NTN4: variants seen among roughly 807,000 people sequenced by gnomAD.
The protein encoded by NTN4 is netrin 4.
NTN4 carries 32 observed loss-of-function variants against 73.6 expected under a neutral mutation model. That is an observed-to-expected ratio of 0.44 (90% CI 0.33 to 0.58). The LOEUF (loss-of-function observed/expected upper bound fraction) is 0.58. Among genes scored for constraint, NTN4 ranks in the 20% least tolerant of loss-of-function variants. The pLI, the probability that NTN4 is intolerant of heterozygous loss-of-function variation, is 0.04. For missense variants in NTN4, 654 were observed against 798.3 expected (o/e 0.82, Z 2.18); for synonymous variants, 258 against 287.5 (o/e 0.90, Z 1.04).
chr12:95,785,974 A>C (rs2079164672), intron 2 of NTN4, among the ~76,000 whole-genome samples: 1 of 152,090 alleles, frequency 6.6e-6, no homozygotes, highest in Admixed American at 6.5e-5. Context: ...GCCTCCACCC[A>C]CTAGATGCCA....
rs368069484 is a variant in NTN4, at chr12:95,684,040, C to T, written c.1181-329G>A. Among the ~76,000 whole-genome samples, 11 of 152,176 alleles carry T rather than the reference C, an allele frequency of 7.2e-5. No homozygotes were observed. In the East Asian group the frequency reaches 7.7e-4, roughly 11 times the overall value. ...AAGGATTCAGTGAGAAAGGAAAAGA[C>T]GTCATGAGAGTATAGTGTTCTGGAA... On this transcript the variant is annotated intron_variant, in intron 5 of 9. Transcript: ENST00000343702.
chr12:95,676,466 A>G (rs1036954157), intron 7 of NTN4, among the ~76,000 whole-genome samples: 3 of 152,154 alleles, frequency 2.0e-5, no homozygotes, highest in African/African-American at 7.2e-5. Flanking sequence ...AATATCCTAG[A>G]CAACTCAATG....
intron 2 of NTN4, among the ~76,000 whole-genome samples, chr12:95,751,666 C>G (rs574668463): frequency 2.0e-5 from 3 of 152,254 alleles, no homozygotes; most frequent in East Asian, 3.9e-4. Flanking sequence ...ACTGCCCGAT[C>G]ACCTCGGAAG....
chr12:95,677,153 C>T (rs1027042675), intron 7 of NTN4, among the ~76,000 whole-genome samples: 12 of 151,708 alleles, frequency 7.9e-5, no homozygotes, highest in African/African-American at 2.2e-4. Flanking sequence ...TGCTTGAACC[C>T]GGGAGGCAGA....
chr12:95,711,439 A>T (rs1349047862), intron 4 of NTN4, among the ~76,000 whole-genome samples: 1 of 152,212 alleles, frequency 6.6e-6, no homozygotes, highest in Admixed American at 6.5e-5. Context: ...GTCCTTGCTA[A>T]GAAAAGCTGA....
chr12:95,662,899 C>T, intron 9 of NTN4, among the ~76,000 whole-genome samples: 1 of 152,148 alleles, frequency 6.6e-6, no homozygotes. Context: ...GGGAGGACTG[C>T]TTGAGGCCAG....
intron 7 of NTN4, among the ~76,000 whole-genome samples, chr12:95,675,756 G>C (rs1326981141): frequency 6.6e-6 from 1 of 152,184 alleles, no homozygotes; most frequent in Non-Finnish European, 1.5e-5. Flanking sequence ...TCAGAATCAG[G>C]CAGCAGTGGT....
At chr12:95,764,274 G>A (rs1349671142) in intron 2 of NTN4, among the ~76,000 whole-genome samples, 4 of 152,140 alleles carry the variant, frequency 2.6e-5, no homozygotes, top group African/African-American at 4.8e-5. Flanking sequence ...ACAGCAATTG[G>A]AGTCAGCTCT....
At chr12:95,784,885 T>C (rs2079156734) in intron 2 of NTN4, among the ~76,000 whole-genome samples, 1 of 152,204 alleles carries the variant, frequency 6.6e-6, no homozygotes, top group Non-Finnish European at 1.5e-5. Flanking sequence ...TGCTTGGAAT[T>C]TGATATAAAC....
chr12:95,785,934 T>C (rs2079164264), intron 2 of NTN4, among the ~76,000 whole-genome samples: 1 of 152,156 alleles, frequency 6.6e-6, no homozygotes, highest in Admixed American at 6.5e-5. Context: ...CGCTATTTTG[T>C]GCATCGTCTG....
chr12:95,732,628 A>G lies in NTN4; in HGVS notation c.864+5238T>C, dbSNP rs112340967. Among the ~76,000 whole-genome samples, 277 of 152,056 alleles carry G rather than the reference A, an allele frequency of 1.8e-3. 2 individuals are homozygous for G. Among genetic ancestry groups the G allele is most frequent in the African/African-American group, 6.4e-3 (267 of 41,492 alleles). On this transcript the variant is annotated intron_variant, in intron 3 of 9. Coordinates refer to ENST00000343702, the MANE Select transcript of NTN4 (RefSeq NM_021229.4). ...GTGTTGGCCGGGCAGATCACTCCTG[A>G]CTTCAGGTGATCCGCCTGCCTTGGC...
At chr12:95,702,308 G>GAAAAAAAAAAAAAAAAAAAAAAAAA (rs558357623) in intron 5 of NTN4, among the ~76,000 whole-genome samples, 1 of 118,492 alleles carries the variant, frequency 8.4e-6, no homozygotes, top group Non-Finnish European at 1.8e-5. Flanking sequence ...CAAAAAAAAA[G>GAAAAAAAAAAAAAAAAAAAAAAAAA]AAAAAAAAAA....
At chr12:95,685,150 G>C (rs375994690) in intron 5 of NTN4, among the ~76,000 whole-genome samples, 2 of 152,096 alleles carry the variant, frequency 1.3e-5, no homozygotes, top group Non-Finnish European at 2.9e-5. Flanking sequence ...GATTACAGGC[G>C]TGAGCCACTG....
At chr12:95,682,888 C>T in intron 6 of NTN4, 66 bp from the exon 7 acceptor site, 2 of 912,244 alleles carry the variant, frequency 2.2e-6, no homozygotes, top group Non-Finnish European at 3.5e-6. Context: ...AGAAATGAAT[C>T]TATAGAGATT....
chr12:95,726,279 C>T (rs372358988), intron 3 of NTN4, among the ~76,000 whole-genome samples: 29 of 152,238 alleles, frequency 1.9e-4, no homozygotes, highest in African/African-American at 6.3e-4. Flanking sequence ...CTTCTCATTC[C>T]CCCTTAATTG....
chr12:95,701,488 C>CAAA (rs2078484539), intron 5 of NTN4, among the ~76,000 whole-genome samples: 1 of 152,072 alleles, frequency 6.6e-6, no homozygotes, highest in Non-Finnish European at 1.5e-5. Context: ...AAACAAACAA[C>CAAA]ATCCCTGGAA....
chr12:95,697,732 T>C (rs906657347), intron 5 of NTN4, among the ~76,000 whole-genome samples: 8 of 152,142 alleles, frequency 5.3e-5, no homozygotes, highest in Middle Eastern at 3.2e-3. Flanking sequence ...CTGTTGTCAT[T>C]AACTGGGTCA....
chr12:95,682,056 G>GTTTTTTTTTTTT (rs1349857597), intron 7 of NTN4, among the ~76,000 whole-genome samples: 24 of 37,928 alleles, frequency 6.3e-4, no homozygotes, highest in East Asian at 5.7e-3. Context: ...TATTCAGTAG[G>GTTTTTTTTTTTT]CTTTTTTTTT....
In NTN4 at chr12:95,790,183, A is replaced by G; in HGVS notation, c.55+72T>C. ...GCGCTCGCAGCCCTGGCTCCCCTGC[A>G]CCCCCGAGTCCCGAGATGGGTTAGA... On this transcript the variant is annotated intron_variant, in intron 1 of 9. Coordinates refer to ENST00000343702, the MANE Select transcript of NTN4 (RefSeq NM_021229.4). This position sits in a 1 kb window ranked among gnomAD's most constrained non-coding sequence, Gnocchi z 6.5. The G allele has an allele frequency of 7.3e-7, 1 of 1,372,950 alleles. No individual in the cohort carries two copies. The highest frequency in any genetic ancestry group is 1.3e-5 in the South Asian group (1 of 74,426). 85.0% of individuals were successfully genotyped at this position (1,372,950 alleles called of 1,614,324 possible). A position where few individuals can be genotyped will look rare whatever the true frequency, so the allele number is the denominator to read the frequency against.
Sources: gnomAD v4.1 joint callset for allele counts (sites outside exome capture counted in the v4.1 genomes callset) on GRCh38, gnomAD v4.1.1 for gene constraint, Gnocchi (gnomAD v3.1) non-coding constraint, MANE v1.5 for transcripts, NCBI Gene and HGNC (gene_info 2026-07-23, HGNC 2026-07-21) for gene names.